The following NKAIN2 variants were observed in gnomAD, a reference collection of about 807,000 sequenced individuals.
NKAIN2 encodes the protein sodium/potassium-transporting ATPase subunit beta-1-interacting protein 2.
In NKAIN2, 14 loss-of-function variants were observed where a neutral mutation model predicts 32.6. The ratio of observed to expected loss-of-function variants is 0.43; its 90% CI spans 0.28 to 0.67. The LOEUF (loss-of-function observed/expected upper bound fraction) is 0.67. Among genes scored for constraint, NKAIN2 ranks in the 30% least tolerant of loss-of-function variants. NKAIN2 has a pLI of 0.17. For synonymous variants in NKAIN2, 80 were observed against 87.2 expected, an observed-to-expected ratio of 0.92 and a Z score of 0.46; for missense variants, 198 against 258.3, an observed-to-expected ratio of 0.77 and a Z score of 1.60.
rs115335589 is a variant in NKAIN2 at position 124,799,813 on chromosome 6, A to G, written c.535+8414A>G. On this transcript the variant is annotated intron_variant, in intron 5 of 6. Coordinates refer to ENST00000368417, the MANE Select transcript of NKAIN2 (RefSeq NM_001040214.3). ...AGTAGTGACATTTACAGAAATGAATAAACAAAAACCTTGATTTTGCTGACT... is the reference window on the plus strand; with the variant it reads ...AGTAGTGACATTTACAGAAATGAATGAACAAAAACCTTGATTTTGCTGACT... 5.1e-3 allele frequency among the ~76,000 whole-genome samples: 781 copies of G among 152,314 alleles called. 6 individuals carry two copies. The highest frequency in any genetic ancestry group is 0.018 in the African/African-American group (750 of 41,560).
intron 1 of NKAIN2, among the ~76,000 whole-genome samples, chr6:123,841,702 G>A (rs7771518): frequency 0.86 from 130,295 of 152,124 alleles, 57,100 homozygotes; most frequent in East Asian, 1. Context: ...CTGCTGAGTC[G>A]GCCCTACATA....
intron 4 of NKAIN2, chr6:124,659,074 CAAAG>C: frequency 6.6e-6 from 1 of 151,922 alleles, no homozygotes; most frequent in Admixed American, 6.6e-5. Context: ...ATTACTATGA[CAAAG>C]AGATAAATTA....
intron 4 of NKAIN2, among the ~76,000 whole-genome samples, chr6:124,718,147 C>T (rs989403337): frequency 6.6e-6 from 1 of 152,006 alleles, no homozygotes; most frequent in African/African-American, 2.4e-5. Context: ...TTAGTATAAT[C>T]ACAATTGTGC....
chr6:124,063,221 A>T (rs148409294), intron 1 of NKAIN2, among the ~76,000 whole-genome samples: 2,025 of 152,062 alleles, frequency 0.013, 31 homozygotes, highest in African/African-American at 0.039. Context: ...ATCTGGTATT[A>T]TTCTCATTAT....
At chr6:124,726,956 A>G (rs1399616209) in intron 4 of NKAIN2, among the ~76,000 whole-genome samples, 25 of 140,932 alleles carry the variant, frequency 1.8e-4, no homozygotes, top group Non-Finnish European at 3.3e-4. Flanking sequence ...AAAGGGTATC[A>G]GCGATGGAAG....
intron 3 of NKAIN2, among the ~76,000 whole-genome samples, chr6:124,452,233 T>C (rs1776139788): frequency 2.0e-5 from 3 of 151,652 alleles, no homozygotes; most frequent in Admixed American, 2.0e-4. Context: ...CTTCCTTTTT[T>C]ATATATGTGA....
chr6:123,822,935 T>G (rs1171051345), intron 1 of NKAIN2, among the ~76,000 whole-genome samples: 1 of 152,062 alleles, frequency 6.6e-6, no homozygotes, highest in Non-Finnish European at 1.5e-5. Context: ...TTATGAAGAG[T>G]TTTGAAATCT....
intron 4 of NKAIN2, among the ~76,000 whole-genome samples, chr6:124,664,793 CAAAAAAAAAAAAAAAAA>C (rs57032378): frequency 2.7e-4 from 11 of 40,800 alleles, no homozygotes; most frequent in East Asian, 1.0e-3. Flanking sequence ...GACTCCGTCT[CAAAAAAAAAAAAAAAAA>C]AAAAAAAAAA....
chr6:124,785,511 T>C (rs1368332787), intron 4 of NKAIN2, among the ~76,000 whole-genome samples: 1 of 152,136 alleles, frequency 6.6e-6, no homozygotes, highest in Admixed American at 6.5e-5. Context: ...CCCTAGATCT[T>C]AATTAAACCT....
At chr6:124,160,209 A>G (rs1048528430) in intron 1 of NKAIN2, among the ~76,000 whole-genome samples, 2 of 151,954 alleles carry the variant, frequency 1.3e-5, no homozygotes, top group African/African-American at 4.8e-5. Context: ...GGGTAGGAAA[A>G]TTTTCCCCTC....
intron 2 of NKAIN2, among the ~76,000 whole-genome samples, chr6:124,345,921 A>C (rs1798399782): frequency 6.6e-6 from 1 of 151,458 alleles, no homozygotes; most frequent in South Asian, 2.1e-4. Flanking sequence ...TTTAATTGTG[A>C]TGTTAGTGTG....
At chr6:124,036,009 T>C (rs1017943853) in intron 1 of NKAIN2, among the ~76,000 whole-genome samples, 1 of 152,112 alleles carries the variant, frequency 6.6e-6, no homozygotes, top group African/African-American at 2.4e-5. Context: ...TTAGAATCAT[T>C]TGGTATTAAA....
chr6:124,206,218 C>T (rs545209631), intron 1 of NKAIN2, among the ~76,000 whole-genome samples: 8 of 151,956 alleles, frequency 5.3e-5, no homozygotes, highest in African/African-American at 1.4e-4. Flanking sequence ...GAATTAACCA[C>T]GTGTTGTGCT....
chr6:123,839,227 C>CAAAAAA, intron 1 of NKAIN2, among the ~76,000 whole-genome samples: 2 of 95,796 alleles, frequency 2.1e-5, no homozygotes, highest in African/African-American at 3.6e-5. Context: ...CTAAACACTC[C>CAAAAAA]AAAAAAAAAA....
chr6:124,627,500 T>A (rs1032981227), intron 3 of NKAIN2, among the ~76,000 whole-genome samples: 5 of 152,172 alleles, frequency 3.3e-5, no homozygotes, highest in African/African-American at 9.7e-5. Flanking sequence ...ACTTGGTTGT[T>A]CAGCTTCAGT....
intron 4 of NKAIN2, among the ~76,000 whole-genome samples, chr6:124,663,155 G>A (rs995960294): frequency 6.6e-6 from 1 of 152,130 alleles, no homozygotes. Context: ...GGCCAGGTGT[G>A]GTGGCTCACG....
intron 4 of NKAIN2, among the ~76,000 whole-genome samples, chr6:124,749,143 C>G (rs879754063): frequency 2.7e-4 from 41 of 151,762 alleles, no homozygotes; most frequent in Non-Finnish European, 4.4e-4. Flanking sequence ...GAGGGCTGTT[C>G]CAAGCTTCTA....
intron 3 of NKAIN2, among the ~76,000 whole-genome samples, chr6:124,446,916 T>C (rs74857751): frequency 0.02 from 3,037 of 152,194 alleles, 110 homozygotes; most frequent in African/African-American, 0.069. Flanking sequence ...GGTGGGAGCA[T>C]GTATCTAGTG....
intron 1 of NKAIN2, among the ~76,000 whole-genome samples, chr6:124,172,764 T>G (rs1177524340): frequency 6.6e-6 from 1 of 152,184 alleles, no homozygotes; most frequent in Non-Finnish European, 1.5e-5. Flanking sequence ...ATATCTGAAA[T>G]GGCTACAGCA....
Sources: allele counts gnomAD v4.1 joint callset (sites outside exome capture counted in the v4.1 genomes callset), GRCh38; gene constraint gnomAD v4.1.1; transcripts MANE v1.5; gene names NCBI Gene and HGNC (gene_info 2026-07-23, HGNC 2026-07-21).